Variants in RAB17 observed in about 807,000 individuals in gnomAD.
RAB17 encodes ras-related protein Rab-17.
Under a neutral mutation model 19.3 loss-of-function variants are expected in RAB17, and 15 were observed. The ratio of observed to expected loss-of-function variants is 0.78; its 90% confidence interval spans 0.52 to 1.20. RAB17 has a LOEUF of 1.20. Among genes scored for constraint, RAB17 ranks in the 50% most tolerant of loss-of-function variants. RAB17 has a pLI of 0.00. For missense variants in RAB17, 262 were observed against 269.3 expected (o/e 0.97, Z 0.19); for synonymous variants, 110 against 112.8 (o/e 0.97, Z 0.16).
chr2:237,590,165 GT>G (rs11308748), intron 1 of RAB17, among the ~76,000 whole-genome samples: 52,621 of 147,882 alleles, frequency 0.36, 11,650 homozygotes, highest in African/African-American at 0.64. Context: ...AGTTTTTTGT[GT>G]TTTTTTTTTT....
chr2:237,585,693 C>G (rs998588861), intron 2 of RAB17: 2 of 245,170 alleles, frequency 8.2e-6, no homozygotes, highest in Non-Finnish European at 1.7e-5. Context: ...TCCCTTCCAC[C>G]AGCATAATCC....
intron 3 of RAB17, chr2:237,577,710 T>C: frequency 4.3e-6 from 2 of 466,492 alleles, no homozygotes; most frequent in South Asian, 3.1e-5. Flanking sequence ...AAGGACCACT[T>C]TGTGCAAGAG....
chr2:237,590,374 GACACACAGAGACTC>G (rs2149192578), intron 1 of RAB17, 79 bp downstream of exon 1: 1 of 152,388 alleles, frequency 6.6e-6, no homozygotes, highest in Non-Finnish European at 1.5e-5. Flanking sequence ...CACACACACA[GACACACAGAGACTC>G]ACACACAGAG....
chr2:237,580,189 C>T lies in RAB17; in HGVS notation c.158-2034G>A, dbSNP rs544285582. Among the ~76,000 whole-genome samples the T allele has an allele frequency of 3.3e-5, 5 of 152,298 alleles. No individual in the cohort carries two copies. The South Asian group carries it at 8.3e-4, about 25-fold the overall frequency. On this transcript the variant is annotated intron_variant, in intron 2 of 5. Transcript: ENST00000264601. ...CCTTCACCCAGGGTGGCTGTTAAAT[C>T]GCCTGAGCAAGGAGAGAAAGGGCAT...
At chr2:237,588,141 C>A (rs1009215151) in intron 1 of RAB17, among the ~76,000 whole-genome samples, 7 of 152,170 alleles carry the variant, frequency 4.6e-5, no homozygotes, top group African/African-American at 1.7e-4. Flanking sequence ...CCAGTGCAAC[C>A]ATGCTAGGAG....
In RAB17 at chr2:237,590,590, G is replaced by A. The variant is rs1329117730; in HGVS notation, c.-127C>T. Reference sequence around the variant, plus strand: ...AGGGGAAGGTTTGCTTCCCTCCACAGGCAGGACAGGACAGGAGGAGCCTCT... The same window carrying A: ...AGGGGAAGGTTTGCTTCCCTCCACAAGCAGGACAGGACAGGAGGAGCCTCT... On this transcript the variant is annotated 5_prime_UTR_variant, in exon 1 of 6. Transcript: ENST00000264601. The A allele has an allele frequency of 3.3e-5, 5 of 152,622 alleles. No individual in the cohort carries two copies. The highest frequency in any genetic ancestry group is 2.6e-4 in the Admixed American group (4 of 15,310). The allele number at this position is 152,622 out of a possible 1,614,324, so 9.5% of individuals were successfully genotyped here. A position where few individuals can be genotyped will look rare whatever the true frequency, so the allele number is the denominator to read the frequency against.
intron 2 of RAB17, among the ~76,000 whole-genome samples, chr2:237,582,073 C>A (rs118066853): frequency 1.3e-5 from 2 of 152,270 alleles, no homozygotes; most frequent in Admixed American, 1.3e-4. Flanking sequence ...CGGGAGGCTG[C>A]GCTCACTTGG....
At chr2:237,576,495 T>TCC (rs150002050) in intron 4 of RAB17, 1 of 447,000 alleles carries the variant, frequency 2.2e-6, no homozygotes, top group Non-Finnish European at 4.7e-6. Context: ...CCCCTTGCTC[T>TCC]CCCCCGAGAT....
intron 4 of RAB17, 83 bp from the exon 5 acceptor site, chr2:237,575,563 C>G: frequency 9.4e-7 from 1 of 1,068,556 alleles, no homozygotes; most frequent in Non-Finnish European, 1.4e-6. Flanking sequence ...CAGTAAGATC[C>G]GAGAAAGCTG....
intron 1 of RAB17, among the ~76,000 whole-genome samples, chr2:237,590,140 C>A (rs974900021): frequency 6.6e-6 from 1 of 150,468 alleles, no homozygotes; most frequent in Non-Finnish European, 1.5e-5. Flanking sequence ...TTTAAGAGTT[C>A]TTCTCATTAC....
At chr2:237,575,658 G>A (rs1287720332) in intron 4 of RAB17, 178 bp from the exon 5 acceptor site, 6 of 585,026 alleles carry the variant, frequency 1.0e-5, no homozygotes, top group East Asian at 5.7e-5. Context: ...AGGGAGGGGC[G>A]GGGTGTGCTC....
intron 4 of RAB17, among the ~76,000 whole-genome samples, chr2:237,576,224 C>T (rs1050331158): frequency 2.6e-5 from 4 of 152,154 alleles, no homozygotes; most frequent in African/African-American, 9.7e-5. Flanking sequence ...CTCCTCCTGT[C>T]CTGGCCCGGA....
chr2:237,581,417 ATTTAAT>A (rs934641620), intron 2 of RAB17, among the ~76,000 whole-genome samples: 2 of 151,594 alleles, frequency 1.3e-5, no homozygotes, highest in Non-Finnish European at 2.9e-5. Context: ...TATTTTTTTA[ATTTAAT>A]TTTATTTTTT....
At chr2:237,585,961 C>G (rs762248819) in intron 2 of RAB17, 37 bp downstream of exon 2, 1 of 1,556,282 alleles carries the variant, frequency 6.4e-7, no homozygotes, top group South Asian at 1.2e-5. Flanking sequence ...GACTTCTGCA[C>G]TGAAGACCAA....
Position 237,574,635 on chromosome 2 carries a change from C to T in RAB17, c.*384G>A. 1 of 1,499,394 alleles carries T rather than the reference C, an allele frequency of 6.7e-7. No homozygotes were observed. Among genetic ancestry groups the T allele is most frequent in the Non-Finnish European group, 8.9e-7 (1 of 1,122,150 alleles). The allele number at this position is 1,499,394 out of a possible 1,614,324, so 92.9% of individuals were successfully genotyped here. On this transcript the variant is annotated 3_prime_UTR_variant, in exon 6 of 6. Coordinates refer to ENST00000264601, the MANE Select transcript of RAB17 (RefSeq NM_022449.4). ...GAAGCAGGTGGGCCCAGGCTCCAGG[C>T]CAGTGCCCCCATCAAGATCAGACGT...
intron 4 of RAB17, among the ~76,000 whole-genome samples, chr2:237,576,980 G>C (rs2081269001): frequency 6.6e-6 from 1 of 152,170 alleles, no homozygotes; most frequent in Non-Finnish European, 1.5e-5. Flanking sequence ...GGAAAGACCG[G>C]AAATCTTTGA....
chr2:237,577,762 G>T, intron 3 of RAB17: 1 of 521,778 alleles, frequency 1.9e-6, no homozygotes, highest in Non-Finnish European at 3.4e-6. Context: ...TGACCCTAAT[G>T]CAGCACCAGG....
chr2:237,589,394 C>T (rs1457787066), intron 1 of RAB17, among the ~76,000 whole-genome samples: 6 of 152,062 alleles, frequency 3.9e-5, no homozygotes, highest in East Asian at 1.9e-4. Flanking sequence ...AATTATTATC[C>T]GATGGGTAAG....
chr2:237,581,370 T>G (rs1377844944), intron 2 of RAB17, among the ~76,000 whole-genome samples: 6 of 142,158 alleles, frequency 4.2e-5, no homozygotes, highest in African/African-American at 1.5e-4. Context: ...TGAGACGCCA[T>G]CTTAAAAAAA....
Sources: allele counts gnomAD v4.1 joint callset (sites outside exome capture counted in the v4.1 genomes callset), GRCh38; gene constraint gnomAD v4.1.1; transcripts MANE v1.5; gene names NCBI Gene and HGNC (gene_info 2026-07-23, HGNC 2026-07-21).